The following FLRT2 variants were observed in gnomAD, a reference collection of about 807,000 sequenced individuals.
FLRT2 encodes the protein leucine-rich repeat transmembrane protein FLRT2.
FLRT2 carries 15 observed loss-of-function variants against 40.0 expected under a neutral mutation model. The ratio of observed to expected loss-of-function variants is 0.38; its 90% CI spans 0.25 to 0.58. The LOEUF (loss-of-function observed/expected upper bound fraction) is 0.58, where lower values mean the gene tolerates loss of function less well. Ranked by LOEUF, FLRT2 falls within the 20% of genes least tolerant of loss-of-function variation. The pLI is 0.71. For synonymous variants in FLRT2, 380 were observed against 336.8 expected, an observed-to-expected ratio of 1.13 and a Z score of -1.41; for missense variants, 726 against 840.0, an observed-to-expected ratio of 0.86 and a Z score of 1.68.
intron 1 of FLRT2, among the ~76,000 whole-genome samples, chr14:85,606,894 C>A (rs1892644253): frequency 6.6e-6 from 1 of 151,192 alleles, no homozygotes; most frequent in African/African-American, 2.4e-5. Flanking sequence ...ATTATTACAC[C>A]CCCTTCCCCC....
rs1017076624 is a variant in FLRT2, at chr14:85,623,134, C to G, written c.1620C>G (p.Pro540=). 9.4e-6 allele frequency: 15 copies of G among 1,603,490 alleles called. No homozygotes were observed. The Admixed American group carries it at 2.6e-4, about 27-fold the overall frequency. ...EQTTSHSMGS[P]FLLAGLIGGA... Reference sequence around the variant, plus strand: ...CGACGTCCCACAGCATGGGCTCCCCCTTTCTGCTGGCGGGCTTGATCGGGG... The same window carrying G: ...CGACGTCCCACAGCATGGGCTCCCCGTTTCTGCTGGCGGGCTTGATCGGGG... Residue 540 remains proline (P), a synonymous_variant, in exon 2 of 2, where the codon CCC becomes CCG. Coordinates refer to ENST00000330753, the MANE Select transcript of FLRT2 (RefSeq NM_013231.6).
Position 85,651,148 on chromosome 14 carries a change from A to G in FLRT2, c.*27651A>G, listed in dbSNP as rs1488697274. 2.0e-5 allele frequency: 3 copies of G among 152,026 alleles called. No individual in the cohort carries two copies. The highest frequency in any genetic ancestry group is 2.9e-5 in the Non-Finnish European group (2 of 68,008). The allele number at this position is 152,026 out of a possible 1,614,324, so 9.4% of individuals were successfully genotyped here. On this transcript the variant is annotated 3_prime_UTR_variant, in exon 2 of 2. Coordinates refer to ENST00000330753, the MANE Select transcript of FLRT2 (RefSeq NM_013231.6). The stretch of plus-strand genomic sequence containing the variant: ...TTCAATTATCTTTTTTGATTAATCA[A>G]TTGTTTAGGATAATGTCTCAAAACT...
chr14:85,533,491 C>T (rs1888427092), intron 1 of FLRT2, among the ~76,000 whole-genome samples: 1 of 152,036 alleles, frequency 6.6e-6, no homozygotes, highest in Admixed American at 6.5e-5. Context: ...CCGCCTAGCT[C>T]TCCCGCCGAG....
At chr14:85,565,877 G>A (rs1890593979) in intron 1 of FLRT2, among the ~76,000 whole-genome samples, 1 of 152,156 alleles carries the variant, frequency 6.6e-6, no homozygotes, top group African/African-American at 2.4e-5. Context: ...TTATCTTAAT[G>A]GAGAAAACAC....
At position 85,613,196 on chromosome 14, in the gene FLRT2, A is replaced by G. The variant is rs778285959; in HGVS notation, c.-376-7943A>G. Among the ~76,000 whole-genome samples the G allele has an allele frequency of 4.6e-5, 7 of 152,184 alleles. No individual in the cohort carries two copies. The South Asian group carries it at 1.4e-3, about 32-fold the overall frequency. On this transcript the variant is annotated intron_variant, in intron 1 of 1. Transcript: ENST00000330753. The stretch of plus-strand genomic sequence containing the variant: ...TAAAAATTCATATTTTTTGTGATAG[A>G]TCACGAATACTTAGTTGATTTCAGG...
chr14:85,604,722 G>C (rs1892531503), intron 1 of FLRT2, among the ~76,000 whole-genome samples: 1 of 152,134 alleles, frequency 6.6e-6, no homozygotes, highest in Non-Finnish European at 1.5e-5. Context: ...GGAATAAAAG[G>C]ATCCAGATAA....
Position 85,623,703 on chromosome 14 carries a change from T to A in FLRT2, c.*206T>A. ...TCTATTTCAAGTTAATTACAAACAG[T>A]TTTGTAACTCTTTGCTTTTTAAATC... On this transcript the variant is annotated 3_prime_UTR_variant, in exon 2 of 2. Transcript: ENST00000330753. 2.3e-6 allele frequency: 1 copy of A among 438,218 alleles called. No homozygotes were observed. Among genetic ancestry groups the A allele is most frequent in the Non-Finnish European group, 4.0e-6 (1 of 249,676 alleles). 27.1% of individuals were successfully genotyped at this position (438,218 alleles called of 1,614,324 possible).
Position 85,622,808 on chromosome 14 carries a change from G to C in FLRT2, c.1294G>C (p.Val432Leu). The change falls in exon 2 of 2, where the codon GTG becomes CTG. Residue 432 changes from valine (V) to leucine (L), a missense_variant. Around this residue, in one of 3 missense-constraint regions of FLRT2, gnomAD observed 611 missense variants for 690.0 expected, o/e 0.89. Coordinates refer to ENST00000330753, the MANE Select transcript of FLRT2 (RefSeq NM_013231.6). Reference sequence around the variant, plus strand: ...ACGGATCCAGCTCTCTATCCATTTTGTGAATGATACTTCCATTCAAGTCAG... The same window carrying C: ...ACGGATCCAGCTCTCTATCCATTTTCTGAATGATACTTCCATTCAAGTCAG... ...SERIQLSIHF[V>L]NDTSIQVSWL... 1 of 1,614,148 alleles carries C rather than the reference G, an allele frequency of 6.2e-7. No homozygotes were observed. The highest frequency in any genetic ancestry group is 1.1e-5 in the South Asian group (1 of 91,084).
chr14:85,642,166 G>C lies in FLRT2; in HGVS notation c.*18669G>C, dbSNP rs2139399369. The C allele has an allele frequency of 7.2e-6, 1 of 139,792 alleles. No individual in the cohort carries two copies. Among genetic ancestry groups the C allele is most frequent in the South Asian group, 2.3e-4 (1 of 4,370 alleles). The allele number at this position is 139,792 out of a possible 1,614,324, so 8.7% of individuals were successfully genotyped here. A position where few individuals can be genotyped will look rare whatever the true frequency, so the allele number is the denominator to read the frequency against. On this transcript the variant is annotated 3_prime_UTR_variant, in exon 2 of 2. Transcript: ENST00000330753. ...AAAAAAAGAAAGAAAGAAAAAAATGGCACACAGTGTCTGATCTTGTTTATT... is the reference window on the plus strand; with the variant it reads ...AAAAAAAGAAAGAAAGAAAAAAATGCCACACAGTGTCTGATCTTGTTTATT...
Position 85,645,853 on chromosome 14 carries a change from A to T in FLRT2, c.*22356A>T, listed in dbSNP as rs1894287816. 1 of 152,172 alleles carries T rather than the reference A, an allele frequency of 6.6e-6. No individual in the cohort carries two copies. The highest frequency in any genetic ancestry group is 2.4e-5 in the African/African-American group (1 of 41,454). 9.4% of individuals were successfully genotyped at this position (152,172 alleles called of 1,614,324 possible). On this transcript the variant is annotated 3_prime_UTR_variant, in exon 2 of 2. Transcript: ENST00000330753. ...CAACATAGTTCATTTGGTAGAGTCAATACTGAGTACCTAAGAGCCCAATTC... is the reference window on the plus strand; with the variant it reads ...CAACATAGTTCATTTGGTAGAGTCATTACTGAGTACCTAAGAGCCCAATTC...
At chr14:85,562,221 C>G (rs957231981) in intron 1 of FLRT2, among the ~76,000 whole-genome samples, 1 of 152,224 alleles carries the variant, frequency 6.6e-6, no homozygotes, top group Non-Finnish European at 1.5e-5. Flanking sequence ...CACACCTGGT[C>G]ACCTTCTTTA....
intron 1 of FLRT2, among the ~76,000 whole-genome samples, chr14:85,539,288 C>T (rs1017659341): frequency 2.6e-5 from 4 of 151,990 alleles, no homozygotes; most frequent in Admixed American, 2.0e-4. Flanking sequence ...TTTTATCATA[C>T]AGATGTAGAA....
At position 85,625,902 on chromosome 14, in the gene FLRT2, A is replaced by G. The variant is rs2038494; in HGVS notation, c.*2405A>G. The G allele has an allele frequency of 0.82, 137,554 of 167,048 alleles. 57,098 individuals are homozygous for G. Among genetic ancestry groups the G allele is most frequent in the African/African-American group, 0.86 (35,666 of 41,510 alleles). The allele number at this position is 167,048 out of a possible 1,614,324, so 10.3% of individuals were successfully genotyped here. On this transcript the variant is annotated 3_prime_UTR_variant, in exon 2 of 2. Transcript: ENST00000330753. ...AGTGGGATTTCTGGCTGCTGAAACC[A>G]CTTTGGGCCAGGAAGAACAAGGATG... is the stretch of plus-strand genomic sequence containing the variant.
intron 1 of FLRT2, among the ~76,000 whole-genome samples, chr14:85,603,141 C>G (rs1367014922): frequency 6.6e-6 from 1 of 152,080 alleles, no homozygotes; most frequent in East Asian, 1.9e-4. Flanking sequence ...ATTAATTGGG[C>G]TTTCATCCTT....
At chr14:85,533,646 G>A (rs192643881) in intron 1 of FLRT2, among the ~76,000 whole-genome samples, 2 of 152,070 alleles carry the variant, frequency 1.3e-5, no homozygotes, top group African/African-American at 2.4e-5. Flanking sequence ...CGGGGGTCGC[G>A]GCGGCCGAAG....
At position 85,644,774 on chromosome 14, in the gene FLRT2, T is replaced by C. The variant is rs1379198691; in HGVS notation, c.*21277T>C. 3 of 152,184 alleles carry C rather than the reference T, an allele frequency of 2.0e-5. No individual in the cohort carries two copies. The highest frequency in any genetic ancestry group is 4.4e-5 in the Non-Finnish European group (3 of 68,048). The allele number at this position is 152,184 out of a possible 1,614,324, so 9.4% of individuals were successfully genotyped here. ...AGTTTGTTGCTGAGGAAGAGTAGAC[T>C]CTCTAGCTTTTCCAGGCTGTGGTCC... On this transcript the variant is annotated 3_prime_UTR_variant, in exon 2 of 2. Coordinates refer to ENST00000330753, the MANE Select transcript of FLRT2 (RefSeq NM_013231.6).
chr14:85,590,218 G>A (rs1428822032), intron 1 of FLRT2, among the ~76,000 whole-genome samples: 2 of 152,058 alleles, frequency 1.3e-5, no homozygotes, highest in East Asian at 3.9e-4. Context: ...CTCCAACGTT[G>A]CCAAATTTCC....
intron 1 of FLRT2, among the ~76,000 whole-genome samples, chr14:85,604,101 A>G (rs900356007): frequency 6.6e-6 from 1 of 152,166 alleles, no homozygotes; most frequent in African/African-American, 2.4e-5. Flanking sequence ...CTGTCTTACT[A>G]GTTAGTGAAA....
chr14:85,555,689 CTATTTTATTTTATTT>C (rs142498787), intron 1 of FLRT2, among the ~76,000 whole-genome samples: 19 of 117,822 alleles, frequency 1.6e-4, no homozygotes, highest in South Asian at 8.5e-4. Context: ...TATCTGAAAT[CTATTTTATTTTATTT>C]TATTTTATTT....
Sources: gnomAD v4.1 joint callset for allele counts (sites outside exome capture counted in the v4.1 genomes callset) on GRCh38, gnomAD v4.1.1 for gene constraint, gnomAD v4.1.1 regional missense constraint, MANE v1.5 for transcripts, NCBI Gene and HGNC (gene_info 2026-07-23, HGNC 2026-07-21) for gene names.